NDRG3: variants seen among roughly 807,000 people sequenced by gnomAD.
The protein encoded by NDRG3 is protein NDRG3.
In NDRG3, 23 loss-of-function variants were observed where a neutral mutation model predicts 57.2. The observed-to-expected ratio is 0.40, with a 90% CI of 0.29 to 0.57. The LOEUF (loss-of-function observed/expected upper bound fraction) is 0.57. NDRG3 is among the 20% of genes least tolerant of loss of function. NDRG3 has a pLI of 0.42. For missense variants in NDRG3, 384 were observed against 457.3 expected (o/e 0.84, Z 1.46); for synonymous variants, 132 against 162.6 (o/e 0.81, Z 1.43).
intron 3 of NDRG3, among the ~76,000 whole-genome samples, chr20:36,696,933 G>T (rs1420237894): frequency 6.6e-6 from 1 of 152,062 alleles, no homozygotes; most frequent in African/African-American, 2.4e-5. Context: ...AAACTTAAAG[G>T]TCCTTATGAC....
intron 12 of NDRG3, among the ~76,000 whole-genome samples, chr20:36,663,012 G>C (rs1025131101): frequency 2.0e-5 from 3 of 152,162 alleles, no homozygotes; most frequent in African/African-American, 2.4e-5. Context: ...ATATTTTCCT[G>C]TATTAAGTAT....
intron 8 of NDRG3, among the ~76,000 whole-genome samples, chr20:36,673,960 G>T (rs1170256268): frequency 6.6e-6 from 1 of 151,838 alleles, no homozygotes; most frequent in African/African-American, 2.4e-5. Flanking sequence ...AAAATTAGCT[G>T]GGCGTGGTGG....
intron 9 of NDRG3, among the ~76,000 whole-genome samples, chr20:36,671,085 C>T: frequency 6.6e-6 from 1 of 152,188 alleles, no homozygotes; most frequent in East Asian, 1.9e-4. Context: ...TGATGTCAAA[C>T]ATTAACAGAT....
At chr20:36,658,718 T>C (rs144761345) in intron 13 of NDRG3, among the ~76,000 whole-genome samples, 9 of 152,224 alleles carry the variant, frequency 5.9e-5, no homozygotes, top group African/African-American at 2.2e-4. Flanking sequence ...AAAGCTAAGA[T>C]GAAACAATGA....
chr20:36,717,495 A>T (rs1778586096), intron 2 of NDRG3, among the ~76,000 whole-genome samples: 1 of 152,242 alleles, frequency 6.6e-6, no homozygotes, highest in Admixed American at 6.5e-5. Context: ...AAACATCTAT[A>T]GGATTAACAC....
intron 8 of NDRG3, among the ~76,000 whole-genome samples, chr20:36,675,765 T>C (rs1980633991): frequency 6.6e-6 from 1 of 152,024 alleles, no homozygotes; most frequent in South Asian, 2.1e-4. Context: ...CAAGCGATCC[T>C]CCTGCCTCAG....
intron 15 of NDRG3, 99 bp downstream of exon 15, chr20:36,656,261 C>T (rs1978656578): frequency 8.6e-7 from 1 of 1,160,800 alleles, no homozygotes; most frequent in African/African-American, 1.5e-5. Context: ...AGGCTAGCTG[C>T]CACAGAGGTT....
rs1978321885 is a variant in NDRG3, at chr20:36,652,488, C to T, written c.*1032G>A. 1 of 152,016 alleles carries T rather than the reference C, an allele frequency of 6.6e-6. No homozygotes were observed. Among genetic ancestry groups the T allele is most frequent in the African/African-American group, 2.4e-5 (1 of 41,376 alleles). 9.4% of individuals were successfully genotyped at this position (152,016 alleles called of 1,614,324 possible). The stretch of plus-strand genomic sequence containing the variant: ...TCCATTACATCTACTGAAATCAAGG[C>T]TATACTTGTTAAACATGATACTGTG... On this transcript the variant is annotated 3_prime_UTR_variant, in exon 16 of 16. Transcript: ENST00000349004.
At chr20:36,714,147 C>CT (rs1469251129) in intron 2 of NDRG3, among the ~76,000 whole-genome samples, 2 of 151,906 alleles carry the variant, frequency 1.3e-5, no homozygotes, top group Admixed American at 6.6e-5. Context: ...TCCCAGCACT[C>CT]TGAGAGGCTG....
intron 9 of NDRG3, among the ~76,000 whole-genome samples, chr20:36,669,178 TC>T (rs1381121347): frequency 6.6e-6 from 1 of 151,698 alleles, no homozygotes; most frequent in Non-Finnish European, 1.5e-5. Context: ...TGCCTCAGCC[TC>T]CCGAGTAGCT....
chr20:36,688,603 A>G, intron 4 of NDRG3, 76 bp downstream of exon 4: 1 of 1,086,792 alleles, frequency 9.2e-7, no homozygotes, highest in South Asian at 1.3e-5. Flanking sequence ...CTCTATTAGA[A>G]TATTGTTGTT....
chr20:36,737,910 A>G (rs551176604), intron 1 of NDRG3, among the ~76,000 whole-genome samples: 1 of 151,936 alleles, frequency 6.6e-6, no homozygotes, highest in South Asian at 2.1e-4. Context: ...CAAAAATACA[A>G]AAAATTCGCC....
chr20:36,710,165 CA>C (rs201891829), intron 2 of NDRG3, among the ~76,000 whole-genome samples: 5 of 150,088 alleles, frequency 3.3e-5, no homozygotes, highest in Non-Finnish European at 7.4e-5. Context: ...ATAAAAAATG[CA>C]AAAAAAAATT....
chr20:36,716,314 C>A (rs1428381151), intron 2 of NDRG3, among the ~76,000 whole-genome samples: 1 of 152,120 alleles, frequency 6.6e-6, no homozygotes, highest in African/African-American at 2.4e-5. Flanking sequence ...GGACGGATCA[C>A]TTGAAGTCAG....
chr20:36,709,751 G>A (rs972407748), intron 2 of NDRG3, among the ~76,000 whole-genome samples: 1 of 152,200 alleles, frequency 6.6e-6, no homozygotes, highest in Non-Finnish European at 1.5e-5. Flanking sequence ...TAAATGGCCA[G>A]CCAGTGAGTT....
At chr20:36,712,581 ATATATATT>A (rs1399371950) in intron 2 of NDRG3, among the ~76,000 whole-genome samples, 3 of 13,404 alleles carry the variant, frequency 2.2e-4, no homozygotes, top group African/African-American at 7.8e-4. Flanking sequence ...ATATATATAT[ATATATATT>A]TTTTTTTTTT....
chr20:36,736,172 G>A (rs183359050), intron 1 of NDRG3, among the ~76,000 whole-genome samples: 35 of 152,202 alleles, frequency 2.3e-4, no homozygotes, highest in Admixed American at 2.0e-3. Context: ...TTTAAAACTT[G>A]GTCATGTTGT....
intron 1 of NDRG3, among the ~76,000 whole-genome samples, chr20:36,743,032 G>T (rs963915058): frequency 6.6e-6 from 1 of 152,154 alleles, no homozygotes; most frequent in South Asian, 2.1e-4. Context: ...GAGGGCAAAA[G>T]AATGTAAAAA....
chr20:36,730,522 C>T (rs912734039), intron 1 of NDRG3, among the ~76,000 whole-genome samples: 3 of 151,714 alleles, frequency 2.0e-5, no homozygotes, highest in Non-Finnish European at 2.9e-5. Flanking sequence ...TGTGAACATA[C>T]TGGAGAAACA....
Sources: allele counts gnomAD v4.1 joint callset (sites outside exome capture counted in the v4.1 genomes callset), GRCh38; gene constraint gnomAD v4.1.1; transcripts MANE v1.5; gene names NCBI Gene and HGNC (gene_info 2026-07-23, HGNC 2026-07-21).